RELA: variants seen among roughly 807,000 people sequenced by gnomAD.
RELA encodes the protein transcription factor p65.
A neutral mutation model predicts 56.7 loss-of-function variants in RELA; 14 were observed. The observed-to-expected ratio is 0.25, with a 90% CI of 0.16 to 0.39. The LOEUF is 0.39. Ranked by LOEUF, RELA falls within the 10% of genes least tolerant of loss-of-function variation. RELA has a pLI of 1.00. For synonymous variants in RELA, 315 were observed against 289.7 expected, an observed-to-expected ratio of 1.09 and a Z score of -0.89; for missense variants, 559 against 736.4, an observed-to-expected ratio of 0.76 and a Z score of 2.79.
At chr11:65,657,688 G>A (rs952583713) in intron 8 of RELA, among the ~76,000 whole-genome samples, 5 of 152,140 alleles carry the variant, frequency 3.3e-5, no homozygotes, top group Admixed American at 6.5e-5. Flanking sequence ...CCAGCTCCCC[G>A]GAGGCCACTG....
chr11:65,660,253 A>G (rs1388154158), intron 4 of RELA, 38 bp from the exon 5 acceptor site: 2 of 1,600,076 alleles, frequency 1.2e-6, no homozygotes, highest in East Asian at 2.2e-5. Flanking sequence ...TGTCTCTCAC[A>G]GAGCCCAGAC....
upstream of RELA, among the ~76,000 whole-genome samples, chr11:65,663,733 C>A (rs993848868): frequency 4.6e-5 from 7 of 151,948 alleles, no homozygotes; most frequent in African/African-American, 4.8e-5. Context: ...GACCCCCCAC[C>A]CCCCTGCCCC....
Position 65,654,013 on chromosome 11 carries a change from G to A in RELA, c.*365C>T, listed in dbSNP as rs1055008682. 1.7e-5 allele frequency: 6 copies of A among 345,334 alleles called. No homozygotes were observed. Among genetic ancestry groups the A allele is most frequent in the African/African-American group, 1.1e-4 (5 of 45,844 alleles). The allele number at this position is 345,334 out of a possible 1,614,324, so 21.4% of individuals were successfully genotyped here. A position where few individuals can be genotyped will look rare whatever the true frequency, so the allele number is the denominator to read the frequency against. ...TGGAAGACACTTGATAAGGCTTTGT[G>A]GGCTCAAAGGCCTTACCTCCAGCCT... On this transcript the variant is annotated 3_prime_UTR_variant, in exon 11 of 11. Transcript: ENST00000406246.
chr11:65,657,226 AG>A (rs772461297), intron 8 of RELA, among the ~76,000 whole-genome samples: 6 of 152,168 alleles, frequency 3.9e-5, no homozygotes, highest in Non-Finnish European at 8.8e-5. Flanking sequence ...AGCTAGACAC[AG>A]GTCCTGAGGT....
Position 65,661,982 on chromosome 11 carries a change from T to G in RELA, c.141A>C (p.Pro47=), listed in dbSNP as rs763062179. 5 of 1,613,944 alleles carry G rather than the reference T, an allele frequency of 3.1e-6. No homozygotes were observed. The highest frequency in any genetic ancestry group is 1.7e-5 in the Admixed American group (1 of 60,012). The change falls in exon 3 of 11, where the codon CCA becomes CCC. Residue 47 remains proline (P), a synonymous_variant. Coordinates refer to ENST00000406246, the MANE Select transcript of RELA (RefSeq NM_021975.4). Reference sequence around the variant, plus strand: ...TGGTGGTATCTGTGCTCCTCTCGCCTGGGATGCTGCCCGCGGAGCGCCCCT... The same window carrying G: ...TGGTGGTATCTGTGCTCCTCTCGCCGGGGATGCTGCCCGCGGAGCGCCCCT... The part of the protein sequence containing the change: ...KCEGRSAGSI[P]GERSTDTTKT...
At chr11:65,655,220 ACGAAACTCTTCCAGC>A in intron 10 of RELA, 1 of 585,662 alleles carries the variant, frequency 1.7e-6, no homozygotes, top group Non-Finnish European at 3.0e-6. Flanking sequence ...ACTCAAGCCC[ACGAAACTCTTCCAGC>A]CTTTTAGAGG....
rs1396493166 is a variant in RELA, at chr11:65,661,806, C to T, written c.216G>A (p.Val72=). The part of the protein sequence containing the change: ...KINGYTGPGT[V]RISLVTKDPP... ...GGTCCTTGGTGACCAGGGAGATGCGCACTGTCCCTGGTCCTGTGTAGCCAT... is the reference window on the plus strand; with the variant it reads ...GGTCCTTGGTGACCAGGGAGATGCGTACTGTCCCTGGTCCTGTGTAGCCAT... The change falls in exon 4 of 11, where the codon GTG becomes GTA. Residue 72 remains valine, a synonymous_variant. Coordinates refer to ENST00000406246, the MANE Select transcript of RELA (RefSeq NM_021975.4). 9 of 1,613,608 alleles carry T rather than the reference C, an allele frequency of 5.6e-6. 1 individual carries two copies. In the South Asian group the frequency reaches 8.8e-5, roughly 16 times the overall value.
upstream of RELA, among the ~76,000 whole-genome samples, chr11:65,663,497 T>A (rs1265861449): frequency 6.6e-6 from 1 of 152,136 alleles, no homozygotes. Flanking sequence ...TTGCGGAGCC[T>A]ACAGCCCGGA....
chr11:65,659,695 G>A lies in RELA; in HGVS notation c.530C>T (p.Pro177Leu). ...DPSGRPLRLPPVLSHPIFDNR... is the reference protein window; with the variant it reads ...DPSGRPLRLPLVLSHPIFDNR... ...GTCAAAGATGGGATGAGAAAGGACA[G>A]GCGGCAGGCGGAGGGGCCTGCCTGA... The change falls in exon 6 of 11, where the codon CCT becomes CTT. Residue 177 changes from proline to leucine, a missense_variant. Around this residue, in one of 4 missense-constraint regions of RELA, gnomAD observed 149 missense variants for 256.0 expected, o/e 0.58. Coordinates refer to ENST00000406246, the MANE Select transcript of RELA (RefSeq NM_021975.4). 19 of 1,613,880 alleles carry A rather than the reference G, an allele frequency of 1.2e-5. No individual in the cohort carries two copies. Among genetic ancestry groups the A allele is most frequent in the Non-Finnish European group, 1.5e-5 (18 of 1,179,998 alleles).
Position 65,655,658 on chromosome 11 carries a change from C to T in RELA, c.1033+30G>A, listed in dbSNP as rs368041961. On this transcript the variant is annotated intron_variant, in intron 10 of 10. Transcript: ENST00000406246. ...CTCAGCTGAACAGAGCTGAACCTGTCGTTCCAGTGGGACAAAAGGAAATCC... is the reference window on the plus strand; with the variant it reads ...CTCAGCTGAACAGAGCTGAACCTGTTGTTCCAGTGGGACAAAAGGAAATCC... 288 of 1,605,972 alleles carry T rather than the reference C, an allele frequency of 1.8e-4. 2 individuals are homozygous for T. In the South Asian group the frequency reaches 2.5e-3, roughly 14 times the overall value.
chr11:65,657,405 T>C (rs1856458257), intron 8 of RELA, among the ~76,000 whole-genome samples: 1 of 148,338 alleles, frequency 6.7e-6, no homozygotes, highest in Admixed American at 6.7e-5. Context: ...CTGCTTTGAG[T>C]CTGTCTGTCT....
rs754530448 is a variant in RELA, at chr11:65,659,647, C to T, written c.559+19G>A. The T allele has an allele frequency of 1.9e-5, 31 of 1,612,916 alleles. No homozygotes were observed. The South Asian group carries it at 2.1e-4, about 11-fold the overall frequency. On this transcript the variant is annotated intron_variant, in intron 6 of 10. Coordinates refer to ENST00000406246, the MANE Select transcript of RELA (RefSeq NM_021975.4). ...TCAGGCCCACCCTCTCCCCTTCCTG[C>T]GTCTCCCTCGCTACTCACGATTGTC... is the stretch of plus-strand genomic sequence containing the variant.
Position 65,653,964 on chromosome 11 carries a change from G to T in RELA, c.*414C>A. On this transcript the variant is annotated 3_prime_UTR_variant, in exon 11 of 11. Transcript: ENST00000406246. ...GGGCTGGTATCTGGGGCGTTATTTT[G>T]ATTAAGCTGTAATGAATCCATGATG... The T allele has an allele frequency of 3.6e-6, 1 of 278,882 alleles. No individual in the cohort carries two copies. The allele number at this position is 278,882 out of a possible 1,614,324, so 17.3% of individuals were successfully genotyped here. A position where few individuals can be genotyped will look rare whatever the true frequency, so the allele number is the denominator to read the frequency against.
At chr11:65,660,344 T>A in intron 4 of RELA, 129 bp from the exon 5 acceptor site, 1 of 792,290 alleles carries the variant, frequency 1.3e-6, no homozygotes, top group African/African-American at 1.7e-5. Context: ...CTCCAGTGGC[T>A]TCCTACTGTG....
Position 65,662,808 on chromosome 11 carries a change from G to C in RELA, c.7+18C>G. The C allele has an allele frequency of 8.3e-7, 1 of 1,200,286 alleles. No homozygotes were observed. The highest frequency in any genetic ancestry group is 1.0e-6 in the Non-Finnish European group (1 of 967,520). 74.4% of individuals were successfully genotyped at this position (1,200,286 alleles called of 1,614,324 possible). A position where few individuals can be genotyped will look rare whatever the true frequency, so the allele number is the denominator to read the frequency against. On this transcript the variant is annotated intron_variant, in intron 1 of 10. Coordinates refer to ENST00000406246, the MANE Select transcript of RELA (RefSeq NM_021975.4). Reference sequence around the variant, plus strand: ...GGCCCCGGCGATGCCACCCCGCGGGGTCAGAGGGCGACCTCACCGTCCATG... The same window carrying C: ...GGCCCCGGCGATGCCACCCCGCGGGCTCAGAGGGCGACCTCACCGTCCATG...
chr11:65,662,762 G>C, intron 1 of RELA, 64 bp downstream of exon 1: 1 of 1,173,112 alleles, frequency 8.5e-7, no homozygotes, highest in Non-Finnish European at 1.1e-6. Flanking sequence ...GCGGCGCGGG[G>C]GCTCCCGCCA....
Position 65,655,017 on chromosome 11 carries a change from G to C in RELA, c.1034-17C>G, listed in dbSNP as rs1429326915. ...GCTGGGGTGCTGGAGGAGAGAGACAGAGAGGCAGGGGTCAGAGAAAGCCCT... is the reference window on the plus strand; with the variant it reads ...GCTGGGGTGCTGGAGGAGAGAGACACAGAGGCAGGGGTCAGAGAAAGCCCT... On this transcript the variant is annotated splice_polypyrimidine_tract_variant and intron_variant, in intron 10 of 10. Coordinates refer to ENST00000406246, the MANE Select transcript of RELA (RefSeq NM_021975.4). 1.3e-6 allele frequency: 2 copies of C among 1,577,442 alleles called. No individual in the cohort carries two copies. The highest frequency in any genetic ancestry group is 3.7e-5 in the Admixed American group (2 of 54,310).
chr11:65,654,161 C>G lies in RELA; in HGVS notation c.*217G>C, dbSNP rs1027871053. On this transcript the variant is annotated 3_prime_UTR_variant, in exon 11 of 11. Transcript: ENST00000406246. Reference sequence around the variant, plus strand: ...AAGTTTGAGTTTCCCCAGCTCCCCCCTTTCCAGAGAAGTTAATGCTTCTGC... The same window carrying G: ...AAGTTTGAGTTTCCCCAGCTCCCCCGTTTCCAGAGAAGTTAATGCTTCTGC... 5.4e-5 allele frequency: 36 copies of G among 670,950 alleles called. No homozygotes were observed. In the East Asian group the frequency reaches 7.6e-4, roughly 14 times the overall value. The allele number at this position is 670,950 out of a possible 1,614,324, so 41.6% of individuals were successfully genotyped here. A position where few individuals can be genotyped will look rare whatever the true frequency, so the allele number is the denominator to read the frequency against.
chr11:65,662,602 C>T (rs1225833407), intron 1 of RELA: 5 of 377,340 alleles, frequency 1.3e-5, no homozygotes, highest in African/African-American at 6.3e-5. Flanking sequence ...TCTGCTCCCC[C>T]ACCCAGGGAG....
Sources: gnomAD v4.1 joint callset for allele counts (sites outside exome capture counted in the v4.1 genomes callset) on GRCh38, gnomAD v4.1.1 for gene constraint, gnomAD v4.1.1 regional missense constraint, MANE v1.5 for transcripts, NCBI Gene and HGNC (gene_info 2026-07-23, HGNC 2026-07-21) for gene names.